XKR8: variants seen among roughly 807,000 people sequenced by gnomAD.
XKR8 encodes XK related 8.
In XKR8, 10 loss-of-function variants were observed where a neutral mutation model predicts 17.1. The observed-to-expected ratio is 0.59, with a 90% CI of 0.36 to 0.99. XKR8 has a LOEUF of 0.99. Ranked by LOEUF, XKR8 falls within the 50% of genes least tolerant of loss-of-function variation. The probability of loss-of-function intolerance (pLI) is 0.01; values close to 1 mark genes in which losing one functional copy is unlikely to be tolerated. For missense variants in XKR8, 411 were observed against 515.6 expected (o/e 0.80, Z 1.96); for synonymous variants, 213 against 251.9 (o/e 0.85, Z 1.46).
intron 2 of XKR8, among the ~76,000 whole-genome samples, chr1:27,964,854 T>C (rs1638538998): frequency 6.6e-6 from 1 of 152,076 alleles, no homozygotes; most frequent in South Asian, 2.1e-4. Context: ...TTTGCCTTCC[T>C]CCACCGCTGC....
rs773641963 is a variant in XKR8 at position 27,967,197 on chromosome 1, A to G, written c.1185A>G (p.Gly395=). The G allele has an allele frequency of 1.8e-5, 28 of 1,546,078 alleles. No individual in the cohort carries two copies. In the East Asian group the frequency reaches 6.3e-4, roughly 35 times the overall value. Residue 395 remains glycine, a synonymous_variant, in exon 3 of 3, where the codon GGA becomes GGG. Coordinates refer to ENST00000373884, the MANE Select transcript of XKR8 (RefSeq NM_018053.4). This position sits in a 1 kb window ranked among gnomAD's most constrained non-coding sequence, Gnocchi z 4.3. ...AKDEAASPVK[G] ...ATGAGGCTGCTTCGCCAGTGAAGGG[A>G]TAGGTGAACGGCGTCCTTTGAAGCA...
rs979642766 is a variant in XKR8, at chr1:27,967,572, C to T, written c.*372C>T. 1.6e-4 allele frequency: 28 copies of T among 170,168 alleles called. No individual in the cohort carries two copies. Among genetic ancestry groups the T allele is most frequent in the Admixed American group, 5.8e-4 (10 of 17,112 alleles). The allele number at this position is 170,168 out of a possible 1,614,324, so 10.5% of individuals were successfully genotyped here. ...AAAATGACTGGTATAGGTGCTGCCC[C>T]ACCCCTTAGCTCCCCTATCCTGGGC... On this transcript the variant is annotated 3_prime_UTR_variant, in exon 3 of 3. Coordinates refer to ENST00000373884, the MANE Select transcript of XKR8 (RefSeq NM_018053.4). This position sits in a 1 kb window ranked among gnomAD's most constrained non-coding sequence, Gnocchi z 4.3.
At chr1:27,964,702 G>A (rs1439543004) in intron 2 of XKR8, among the ~76,000 whole-genome samples, 1 of 152,136 alleles carries the variant, frequency 6.6e-6, no homozygotes, top group African/African-American at 2.4e-5. Flanking sequence ...GGCCCCCTAA[G>A]CATGGGTGAA....
intron 2 of XKR8, among the ~76,000 whole-genome samples, chr1:27,964,508 A>G (rs1025581604): frequency 3.3e-5 from 5 of 152,054 alleles, no homozygotes; most frequent in Non-Finnish European, 7.4e-5. Flanking sequence ...ACAAGAAACA[A>G]TATATTGAAT....
chr1:27,960,055 G>A lies in XKR8; in HGVS notation c.-15G>A, dbSNP rs1405550433. On this transcript the variant is annotated 5_prime_UTR_variant, in exon 1 of 3. Transcript: ENST00000373884. This position sits in a 1 kb window ranked among gnomAD's most constrained non-coding sequence, Gnocchi z 5.9. ...CAACCGCGGAGGAGCAGGAGAGGGC[G>A]GAGGCCGGCGGGCCATGCCCTGGTC... The A allele has an allele frequency of 7.0e-7, 1 of 1,418,808 alleles. No homozygotes were observed. The highest frequency in any genetic ancestry group is 2.9e-5 in the East Asian group (1 of 34,680). 87.9% of individuals were successfully genotyped at this position (1,418,808 alleles called of 1,614,324 possible).
chr1:27,963,457 C>T, intron 1 of XKR8, 40 bp from the exon 2 acceptor site: 1 of 1,569,998 alleles, frequency 6.4e-7, no homozygotes, highest in South Asian at 1.2e-5. Flanking sequence ...ATTCACAGGA[C>T]ACTAACCTGG....
Position 27,960,267 on chromosome 1 carries a change from C to G in XKR8, c.198C>G (p.Leu66=). Residue 66 remains leucine (L), a synonymous_variant, in exon 1 of 3, where the codon CTC becomes CTG. Transcript: ENST00000373884. The surrounding 1 kb of genome is among the most constrained non-coding windows in gnomAD (Gnocchi z 5.9). ...ASVALQLFSW[L]WLRADPAGLH... ...TGGCGCTGCAGCTCTTCAGCTGGCT[C>G]TGGCTGCGCGCTGACCCTGCCGGCC... 1 of 1,521,192 alleles carries G rather than the reference C, an allele frequency of 6.6e-7. No homozygotes were observed. Among genetic ancestry groups the G allele is most frequent in the Non-Finnish European group, 8.8e-7 (1 of 1,141,236 alleles). The allele number at this position is 1,521,192 out of a possible 1,614,324, so 94.2% of individuals were successfully genotyped here.
rs760121863 is a variant in XKR8, at chr1:27,966,938, G to A, written c.926G>A (p.Trp309Ter). ...GCCACCTGGGTGACTCATAGCTCCT[G>A]GCTGCCCAGCGGGATTCCACTGCAG... ...LVATWVTHSSWLPSGIPLQLW... is the reference protein window; with the variant it reads ...LVATWVTHSS The change falls in exon 3 of 3, where the codon TGG (tryptophan) becomes TAG (stop). Residue 309 changes from tryptophan (W) to a stop codon, truncating the protein, a stop_gained. Transcript: ENST00000373884. LOFTEE classifies it low-confidence loss of function (END_TRUNC). This position sits in a 1 kb window ranked among gnomAD's most constrained non-coding sequence, Gnocchi z 4.3. The A allele has an allele frequency of 1.1e-5, 17 of 1,614,088 alleles. No individual in the cohort carries two copies. In the East Asian group the frequency reaches 3.6e-4, roughly 34 times the overall value.
intron 1 of XKR8, among the ~76,000 whole-genome samples, chr1:27,962,589 AG>A (rs1481129453): frequency 6.6e-6 from 1 of 150,712 alleles, no homozygotes; most frequent in East Asian, 1.9e-4. Context: ...CCAAAAAAAA[AG>A]AAAAAAAAAA....
intron 1 of XKR8, among the ~76,000 whole-genome samples, chr1:27,962,904 C>T (rs769235067): frequency 6.6e-6 from 1 of 152,148 alleles, no homozygotes; most frequent in Non-Finnish European, 1.5e-5. Context: ...TTATTAGCTT[C>T]TTGATCCTGT....
Position 27,959,984 on chromosome 1 carries a change from C to T in XKR8, c.-86C>T. ...CCCCGGGCCGCCCCGAGGGCTGCGC[C>T]CACCTCCTTCCTGCCTCGGCAACCC... On this transcript the variant is annotated 5_prime_UTR_variant, in exon 1 of 3. Coordinates refer to ENST00000373884, the MANE Select transcript of XKR8 (RefSeq NM_018053.4). 7.9e-7 allele frequency: 1 copy of T among 1,262,070 alleles called. No homozygotes were observed. Among genetic ancestry groups the T allele is most frequent in the African/African-American group, 1.6e-5 (1 of 63,318 alleles). The allele number at this position is 1,262,070 out of a possible 1,614,324, so 78.2% of individuals were successfully genotyped here.
At position 27,966,431 on chromosome 1, in the gene XKR8, G is replaced by A. The variant is rs116073483; in HGVS notation, c.491-72G>A. On this transcript the variant is annotated intron_variant, in intron 2 of 2. Transcript: ENST00000373884. This position sits in a 1 kb window ranked among gnomAD's most constrained non-coding sequence, Gnocchi z 4.3. ...CCAGGGTTGCTGGGAGGGCCCCCAC[G>A]GTACCTGTGACCGCTGGGGAGTGCC... 485 of 1,471,894 alleles carry A rather than the reference G, an allele frequency of 3.3e-4. No individual in the cohort carries two copies. In the African/African-American group the frequency reaches 5.5e-3, roughly 17 times the overall value. The allele number at this position is 1,471,894 out of a possible 1,614,324, so 91.2% of individuals were successfully genotyped here. A position where few individuals can be genotyped will look rare whatever the true frequency, so the allele number is the denominator to read the frequency against.
Position 27,967,247 on chromosome 1 carries a change from GGA to G in XKR8, c.*51_*52del, listed in dbSNP as rs147164621. 4,278 of 1,509,426 alleles carry G rather than the reference GGA, an allele frequency of 2.8e-3. 94 individuals are homozygous for G. The East Asian group carries it at 0.042, about 15-fold the overall frequency. The allele number at this position is 1,509,426 out of a possible 1,614,324, so 93.5% of individuals were successfully genotyped here. ...AGGATCAGACCCAGCCAGCAGAGAT[GGA>G]GAGTGACTCTGTTGGCAGAAGGCAG... On this transcript the variant is annotated 3_prime_UTR_variant, in exon 3 of 3. Coordinates refer to ENST00000373884, the MANE Select transcript of XKR8 (RefSeq NM_018053.4). This position sits in a 1 kb window ranked among gnomAD's most constrained non-coding sequence, Gnocchi z 4.3.
rs773812370 is a variant in XKR8 at position 27,966,774 on chromosome 1, C to A, written c.762C>A (p.Asp254Glu). ...TTCAGGGCACAGACTTCATGCCGGA[C>A]CCCAGCTCCGAGTGGCTGTACCGGG... ...VWLQGTDFMP[D>E]PSSEWLYRVT... Residue 254 changes from aspartate to glutamate, a missense_variant, in exon 3 of 3, where the codon GAC (aspartate) becomes GAA (glutamate). Coordinates refer to ENST00000373884, the MANE Select transcript of XKR8 (RefSeq NM_018053.4). This position sits in a 1 kb window ranked among gnomAD's most constrained non-coding sequence, Gnocchi z 4.3. 2 of 1,613,946 alleles carry A rather than the reference C, an allele frequency of 1.2e-6. No homozygotes were observed. The highest frequency in any genetic ancestry group is 1.1e-5 in the South Asian group (1 of 91,072).
Position 27,967,157 on chromosome 1 carries a change from T to C in XKR8, c.1145T>C (p.Phe382Ser), listed in dbSNP as rs1638593346. ...ATGACCCATTTAGCACAGAAGTTTT[T>C]CCCCAAGGCTAAGGATGAGGCTGCT... ...RRMTHLAQKF[F>S]PKAKDEAASP... Residue 382 changes from phenylalanine (F) to serine (S), a missense_variant, in exon 3 of 3, where the codon TTC becomes TCC. Phe to Ser is a radical substitution (Grantham distance 155). Transcript: ENST00000373884. The surrounding 1 kb of genome is among the most constrained non-coding windows in gnomAD (Gnocchi z 4.3). 2 of 1,583,994 alleles carry C rather than the reference T, an allele frequency of 1.3e-6. No homozygotes were observed. Among genetic ancestry groups the C allele is most frequent in the Non-Finnish European group, 1.7e-6 (2 of 1,162,792 alleles).
At position 27,967,478 on chromosome 1, in the gene XKR8, C is replaced by T. The variant is rs1332742437; in HGVS notation, c.*278C>T. ...CAAGACACTTTGGGAGGAAAGAAGA[C>T]TACCTTTTCCCCCTGCCATTGGTAT... On this transcript the variant is annotated 3_prime_UTR_variant, in exon 3 of 3. Coordinates refer to ENST00000373884, the MANE Select transcript of XKR8 (RefSeq NM_018053.4). This position sits in a 1 kb window ranked among gnomAD's most constrained non-coding sequence, Gnocchi z 4.3. 1 of 272,906 alleles carries T rather than the reference C, an allele frequency of 3.7e-6. No homozygotes were observed. The highest frequency in any genetic ancestry group is 2.2e-5 in the African/African-American group (1 of 45,418). The allele number at this position is 272,906 out of a possible 1,614,324, so 16.9% of individuals were successfully genotyped here. A position where few individuals can be genotyped will look rare whatever the true frequency, so the allele number is the denominator to read the frequency against.
chr1:27,965,303 C>T lies in XKR8; in HGVS notation c.491-1200C>T, dbSNP rs1638547589. On this transcript the variant is annotated intron_variant, in intron 2 of 2. Coordinates refer to ENST00000373884, the MANE Select transcript of XKR8 (RefSeq NM_018053.4). The surrounding 1 kb of genome is among the most constrained non-coding windows in gnomAD (Gnocchi z 4.1). ...GGGTAAGGGGGCGAGACAGATTTTCCCTACTTTTTATTTAGCAAACATCTC... is the reference window on the plus strand; with the variant it reads ...GGGTAAGGGGGCGAGACAGATTTTCTCTACTTTTTATTTAGCAAACATCTC... Among the ~76,000 whole-genome samples, 2 of 152,114 alleles carry T rather than the reference C, an allele frequency of 1.3e-5. No homozygotes were observed. Among genetic ancestry groups the T allele is most frequent in the African/African-American group, 4.8e-5 (2 of 41,404 alleles).
rs539652851 is a variant in XKR8 at position 27,962,632 on chromosome 1, G to T, written c.294-865G>T. 1.8e-4 allele frequency among the ~76,000 whole-genome samples: 28 copies of T among 152,256 alleles called. No individual in the cohort carries two copies. In the South Asian group the frequency reaches 4.6e-3, roughly 25 times the overall value. ...AGAGAGGCAGGGTCTCTGTTGCCTG[G>T]GCTGGAGTGCAGTGGCACAATCAAT... is the stretch of plus-strand genomic sequence containing the variant. On this transcript the variant is annotated intron_variant, in intron 1 of 2. Transcript: ENST00000373884.
chr1:27,961,789 G>A (rs1289557104), intron 1 of XKR8, among the ~76,000 whole-genome samples: 2 of 152,178 alleles, frequency 1.3e-5, no homozygotes, highest in African/African-American at 4.8e-5. Flanking sequence ...CCTTCCAGGG[G>A]AAGTGACAGT....
Sources: gnomAD v4.1 joint callset for allele counts (sites outside exome capture counted in the v4.1 genomes callset) on GRCh38, gnomAD v4.1.1 for gene constraint, Gnocchi (gnomAD v3.1) non-coding constraint, MANE v1.5 for transcripts, NCBI Gene and HGNC (gene_info 2026-07-23, HGNC 2026-07-21) for gene names.